Variants in ATP8A1 observed in about 807,000 individuals in gnomAD.
ATP8A1 encodes ATPase phospholipid transporting 8A1, also known as phospholipid-transporting ATPase IA.
A neutral mutation model predicts 177.7 loss-of-function variants in ATP8A1; 90 were observed. The ratio of observed to expected loss-of-function variants is 0.51; its 90% confidence interval spans 0.43 to 0.60. The LOEUF is 0.60. ATP8A1 is among the 20% of genes least tolerant of loss of function. ATP8A1 has a pLI of 0.00. For missense variants in ATP8A1, 1,072 were observed against 1,392.8 expected, an observed-to-expected ratio of 0.77 and a Z score of 3.67; for synonymous variants, 493 against 485.9, an observed-to-expected ratio of 1.01 and a Z score of -0.19.
At chr4:42,496,248 G>A (rs1472174075) in intron 24 of ATP8A1, among the ~76,000 whole-genome samples, 1 of 152,096 alleles carries the variant, frequency 6.6e-6, no homozygotes, top group African/African-American at 2.4e-5. Flanking sequence ...ACAAATCCAG[G>A]GAAAGGAAGG....
intron 8 of ATP8A1, among the ~76,000 whole-genome samples, chr4:42,587,448 C>T (rs565010357): frequency 6.6e-6 from 1 of 151,694 alleles, no homozygotes; most frequent in East Asian, 1.9e-4. Flanking sequence ...GCTGGGATTA[C>T]AGGCACATGC....
chr4:42,657,058 A>G lies in ATP8A1; in HGVS notation c.-185T>C, dbSNP rs1741718874. 1 of 513,378 alleles carries G rather than the reference A, an allele frequency of 1.9e-6. No individual in the cohort carries two copies. The highest frequency in any genetic ancestry group is 3.0e-6 in the Non-Finnish European group (1 of 333,490). The allele number at this position is 513,378 out of a possible 1,614,324, so 31.8% of individuals were successfully genotyped here. On this transcript the variant is annotated 5_prime_UTR_variant, in exon 1 of 37. Transcript: ENST00000381668. ...ACGCCGACAGGAGGAGGAGAAAGGC[A>G]GCGGTGGCGGCGAAGGTGGCGGCGC...
chr4:42,550,746 T>C (rs545657204), intron 18 of ATP8A1, among the ~76,000 whole-genome samples: 1 of 152,308 alleles, frequency 6.6e-6, no homozygotes, highest in African/African-American at 2.4e-5. Context: ...CTCACTGTGG[T>C]CTTAATTGTA....
intron 5 of ATP8A1, among the ~76,000 whole-genome samples, chr4:42,609,081 A>G (rs1577694352): frequency 6.6e-6 from 1 of 152,206 alleles, no homozygotes; most frequent in East Asian, 1.9e-4. Context: ...TCCTCTTTCA[A>G]TCATGTAATA....
intron 20 of ATP8A1, among the ~76,000 whole-genome samples, chr4:42,528,402 G>A (rs1726925841): frequency 6.6e-6 from 1 of 152,166 alleles, no homozygotes; most frequent in Admixed American, 6.5e-5. Context: ...AGACGCAGGG[G>A]TGGTGATTCC....
intron 23 of ATP8A1, among the ~76,000 whole-genome samples, 200 bp from the exon 24 acceptor site, chr4:42,503,714 G>A (rs1724080824): frequency 6.6e-6 from 1 of 152,142 alleles, no homozygotes; most frequent in Non-Finnish European, 1.5e-5. Flanking sequence ...AAGTACATCT[G>A]GCCTGTTAAG....
chr4:42,627,239 T>C (rs955002415), intron 1 of ATP8A1, 130 bp from the exon 2 acceptor site: 36 of 624,272 alleles, frequency 5.8e-5, no homozygotes, highest in African/African-American at 5.7e-4. Context: ...GTTTCTTTTA[T>C]AATAAAAAGT....
At chr4:42,612,300 A>C (rs1478744431) in intron 5 of ATP8A1, among the ~76,000 whole-genome samples, 1 of 151,238 alleles carries the variant, frequency 6.6e-6, no homozygotes, top group Non-Finnish European at 1.5e-5. Context: ...AGAGTGGTTC[A>C]TTTACTCGTT....
At chr4:42,481,616 A>G (rs1226106280) in intron 25 of ATP8A1, among the ~76,000 whole-genome samples, 3 of 152,110 alleles carry the variant, frequency 2.0e-5, no homozygotes, top group Non-Finnish European at 4.4e-5. Flanking sequence ...TAGTACAGTT[A>G]CTCCCTGGGA....
intron 4 of ATP8A1, among the ~76,000 whole-genome samples, chr4:42,620,437 A>G (rs922307497): frequency 5.3e-5 from 8 of 152,224 alleles, no homozygotes; most frequent in African/African-American, 1.9e-4. Context: ...TATGCCAAAA[A>G]GAGTTCTGTT....
chr4:42,448,396 C>CTTTTTTTTTTTTTT (rs1717524401), intron 30 of ATP8A1, among the ~76,000 whole-genome samples: 1 of 84,132 alleles, frequency 1.2e-5, no homozygotes, highest in African/African-American at 4.0e-5. Flanking sequence ...CCTTCTCTTT[C>CTTTTTTTTTTTTTT]TTTTCTTTTT....
chr4:42,512,604 T>C (rs1725116381), intron 22 of ATP8A1, among the ~76,000 whole-genome samples: 1 of 152,246 alleles, frequency 6.6e-6, no homozygotes, highest in Non-Finnish European at 1.5e-5. Flanking sequence ...TTTCTAACTG[T>C]ACCTCCTTGC....
At chr4:42,567,339 G>C (rs556167666) in intron 15 of ATP8A1, among the ~76,000 whole-genome samples, 14 of 152,296 alleles carry the variant, frequency 9.2e-5, no homozygotes, top group East Asian at 5.8e-4. Flanking sequence ...AGGAGTTTAA[G>C]ACTAGCCTGG....
chr4:42,471,066 CA>C (rs1288794713), intron 25 of ATP8A1, among the ~76,000 whole-genome samples: 1 of 150,570 alleles, frequency 6.6e-6, no homozygotes, highest in East Asian at 1.9e-4. Context: ...TAAGATACAG[CA>C]AAAAAAAACC....
intron 25 of ATP8A1, chr4:42,472,445 A>C (rs1339891708): frequency 3.2e-6 from 1 of 315,778 alleles, no homozygotes; most frequent in African/African-American, 2.2e-5. Flanking sequence ...ATAAATGGAA[A>C]TGTTACAAGA....
intron 30 of ATP8A1, among the ~76,000 whole-genome samples, chr4:42,451,767 T>C (rs1387307440): frequency 6.6e-6 from 1 of 152,196 alleles, no homozygotes; most frequent in African/African-American, 2.4e-5. Flanking sequence ...ACATGAGACG[T>C]AAAGAAGAAA....
chr4:42,595,899 T>C (rs966582043), intron 6 of ATP8A1, among the ~76,000 whole-genome samples: 1 of 152,210 alleles, frequency 6.6e-6, no homozygotes, highest in Non-Finnish European at 1.5e-5. Context: ...CTCAATAAAA[T>C]AGTAACAATT....
intron 36 of ATP8A1, among the ~76,000 whole-genome samples, chr4:42,414,234 A>G (rs1013483248): frequency 6.6e-6 from 1 of 152,226 alleles, no homozygotes; most frequent in Non-Finnish European, 1.5e-5. Flanking sequence ...ATTCATAAAT[A>G]TTTCTGAAGG....
chr4:42,587,611 CT>C (rs564079399), intron 8 of ATP8A1, among the ~76,000 whole-genome samples: 216 of 132,256 alleles, frequency 1.6e-3, no homozygotes, highest in Non-Finnish European at 1.7e-3. Flanking sequence ...CCTTGTACAG[CT>C]TTTTTTTTTT....
Sources: allele counts gnomAD v4.1 joint callset (sites outside exome capture counted in the v4.1 genomes callset), GRCh38; gene constraint gnomAD v4.1.1; transcripts MANE v1.5; gene names NCBI Gene and HGNC (gene_info 2026-07-23, HGNC 2026-07-21).